The following OBI1 variants were observed in gnomAD, a reference collection of about 807,000 sequenced individuals.
The protein encoded by OBI1 is ring finger protein 219.
A neutral mutation model predicts 62.4 loss-of-function variants in OBI1; 59 were observed. The observed-to-expected ratio is 0.95, with a 90% confidence interval of 0.77 to 1.17. The LOEUF (loss-of-function observed/expected upper bound fraction) is 1.17, where lower values mean the gene tolerates loss of function less well. Among genes scored for constraint, OBI1 ranks in the 50% most tolerant of loss-of-function variants. The pLI is 0.00. For missense variants in OBI1, 875 were observed against 830.9 expected, an observed-to-expected ratio of 1.05 and a Z score of -0.65; for synonymous variants, 302 against 292.8, an observed-to-expected ratio of 1.03 and a Z score of -0.32.
intron 4 of OBI1, among the ~76,000 whole-genome samples, chr13:78,635,773 T>C (rs1029415621): frequency 3.3e-5 from 5 of 152,214 alleles, no homozygotes; most frequent in Non-Finnish European, 7.3e-5. Context: ...TCTATTTATC[T>C]ATATTTTTTG....
At chr13:78,617,507 GA>G (rs1329876005) in intron 5 of OBI1, among the ~76,000 whole-genome samples, 4 of 152,178 alleles carry the variant, frequency 2.6e-5, no homozygotes, top group Admixed American at 1.3e-4. Context: ...TCTACATCTT[GA>G]AATATTTACA....
intron 5 of OBI1, among the ~76,000 whole-genome samples, chr13:78,623,156 A>C (rs1875561313): frequency 1.3e-5 from 2 of 152,122 alleles, no homozygotes; most frequent in Non-Finnish European, 2.9e-5. Context: ...TCAGTTACAA[A>C]ATTGCTACAT....
chr13:78,634,818 G>A (rs1204617190), intron 5 of OBI1, among the ~76,000 whole-genome samples: 1 of 152,116 alleles, frequency 6.6e-6, no homozygotes, highest in Admixed American at 6.6e-5. Flanking sequence ...TACTATGTTA[G>A]TACTATTAAA....
rs1362319842 is a variant in OBI1, at chr13:78,614,384, A to G, written c.*1196T>C. On this transcript the variant is annotated 3_prime_UTR_variant, in exon 6 of 6. Coordinates refer to ENST00000282003, the MANE Select transcript of OBI1 (RefSeq NM_024546.4). Reference sequence around the variant, plus strand: ...TATTAATGTAAAATGTTCAGTGCACATTAAACAGCATACATACCCATTTTT... The same window carrying G: ...TATTAATGTAAAATGTTCAGTGCACGTTAAACAGCATACATACCCATTTTT... 6.6e-6 allele frequency: 1 copy of G among 152,648 alleles called. No homozygotes were observed. The highest frequency in any genetic ancestry group is 2.4e-5 in the African/African-American group (1 of 41,458). The allele number at this position is 152,648 out of a possible 1,614,324, so 9.5% of individuals were successfully genotyped here.
chr13:78,639,522 G>A (rs1876140787), intron 3 of OBI1, among the ~76,000 whole-genome samples: 2 of 150,978 alleles, frequency 1.3e-5, no homozygotes, highest in Non-Finnish European at 2.9e-5. Context: ...AAATCATGCT[G>A]CTATAAAGAC....
intron 1 of OBI1, among the ~76,000 whole-genome samples, chr13:78,650,662 G>C (rs1954458136): frequency 6.6e-6 from 1 of 151,832 alleles, no homozygotes; most frequent in African/African-American, 2.4e-5. Flanking sequence ...TGAAAACTGT[G>C]GCTTAACCTA....
At chr13:78,636,974 G>A (rs768855514) in intron 4 of OBI1, among the ~76,000 whole-genome samples, 6 of 152,156 alleles carry the variant, frequency 3.9e-5, no homozygotes, top group Non-Finnish European at 7.3e-5. Context: ...TCAACTATCA[G>A]AGATCTTTTC....
At chr13:78,628,633 A>T (rs1875754733) in intron 5 of OBI1, among the ~76,000 whole-genome samples, 1 of 152,226 alleles carries the variant, frequency 6.6e-6, no homozygotes, top group Non-Finnish European at 1.5e-5. Context: ...AAGAGTCTGG[A>T]TTTTATTCTA....
chr13:78,652,281 G>T (rs918655073), intron 1 of OBI1, among the ~76,000 whole-genome samples: 1 of 151,960 alleles, frequency 6.6e-6, no homozygotes, highest in Non-Finnish European at 1.5e-5. Flanking sequence ...TTATATATTT[G>T]ACTGTAATCT....
At position 78,648,337 on chromosome 13, in the gene OBI1, C is replaced by A. The variant is rs1876449677; in HGVS notation, c.73-3340G>T. Among the ~76,000 whole-genome samples the A allele has an allele frequency of 2.0e-5, 3 of 151,170 alleles. No homozygotes were observed. The South Asian group carries it at 6.3e-4, about 32-fold the overall frequency. On this transcript the variant is annotated intron_variant, in intron 1 of 5. Transcript: ENST00000282003. ...AGACACACACACCCCTGCAATATTC[C>A]TAGAAGTACTATATGCCCCAAAATT...
chr13:78,618,116 A>T (rs1056158633), intron 5 of OBI1, among the ~76,000 whole-genome samples: 1 of 152,184 alleles, frequency 6.6e-6, no homozygotes, highest in Non-Finnish European at 1.5e-5. Flanking sequence ...ATCACCAAAA[A>T]TAAATTCTAT....
intron 1 of OBI1, among the ~76,000 whole-genome samples, chr13:78,646,505 C>G (rs914434798): frequency 2.6e-5 from 4 of 151,960 alleles, no homozygotes; most frequent in Non-Finnish European, 5.9e-5. Flanking sequence ...AGTCTTATCA[C>G]TTGATTTACA....
chr13:78,638,745 G>C lies in OBI1; in HGVS notation c.549+78C>G, dbSNP rs534416059. The C allele has an allele frequency of 2.3e-6, 3 of 1,292,850 alleles. No individual in the cohort carries two copies. The South Asian group carries it at 4.3e-5, about 18-fold the overall frequency. The allele number at this position is 1,292,850 out of a possible 1,614,324, so 80.1% of individuals were successfully genotyped here. On this transcript the variant is annotated intron_variant, in intron 4 of 5. Coordinates refer to ENST00000282003, the MANE Select transcript of OBI1 (RefSeq NM_024546.4). ...CACAAATCATCTGATGATGAGTCAA[G>C]ATAATATGGCTATTTATGCTTTTGA...
intron 3 of OBI1, among the ~76,000 whole-genome samples, chr13:78,639,596 T>C (rs1876144363): frequency 6.8e-6 from 1 of 147,412 alleles, no homozygotes; most frequent in African/African-American, 2.5e-5. Flanking sequence ...CCAACCCAAA[T>C]GTCCAACAAT....
chr13:78,636,948 T>A (rs1239059598), intron 4 of OBI1, among the ~76,000 whole-genome samples: 1 of 152,230 alleles, frequency 6.6e-6, no homozygotes, highest in East Asian at 1.9e-4. Context: ...CTTCTCATTA[T>A]AGGCTGGCTA....
intron 5 of OBI1, among the ~76,000 whole-genome samples, chr13:78,623,270 T>A (rs1395580512): frequency 1.0e-4 from 14 of 136,188 alleles, no homozygotes; most frequent in African/African-American, 2.1e-4. Flanking sequence ...AGAGAACATT[T>A]AAAAAAAAAA....
rs540840233 is a variant in OBI1, at chr13:78,631,733, GATGA to G, written c.638+3373_638+3376del. On this transcript the variant is annotated intron_variant, in intron 5 of 5. Coordinates refer to ENST00000282003, the MANE Select transcript of OBI1 (RefSeq NM_024546.4). The stretch of plus-strand genomic sequence containing the variant: ...CAAATGAATTTTTGGCAAGGAACAG[GATGA>G]ATATTATTGAAACCTAGAAGAACAT... 1.6e-3 allele frequency among the ~76,000 whole-genome samples: 241 copies of G among 152,212 alleles called. 1 individual carries two copies. The highest frequency in any genetic ancestry group is 5.6e-3 in the African/African-American group (231 of 41,554).
chr13:78,616,245 A>G lies in OBI1; in HGVS notation c.1516T>C (p.Cys506Arg), dbSNP rs776119609. 2 of 1,613,798 alleles carry G rather than the reference A, an allele frequency of 1.2e-6. No homozygotes were observed. Among genetic ancestry groups the G allele is most frequent in the African/African-American group, 1.3e-5 (1 of 74,936 alleles). Reference sequence around the variant, plus strand: ...ATAGAATTCAACCTTTTGGATAAACATAAGCCTGATTTCTCACTCAATTTT... The same window carrying G: ...ATAGAATTCAACCTTTTGGATAAACGTAAGCCTGATTTCTCACTCAATTTT... ...SSKLSEKSGL[C>R]LSKRLNSIRS... The change falls in exon 6 of 6, where the codon TGT (cysteine) becomes CGT (arginine). Residue 506 changes from cysteine (C) to arginine (R), a missense_variant. Transcript: ENST00000282003.
intron 1 of OBI1, among the ~76,000 whole-genome samples, chr13:78,653,679 A>C (rs1876612468): frequency 6.6e-6 from 1 of 152,202 alleles, no homozygotes; most frequent in South Asian, 2.1e-4. Context: ...ATGGGAGTGA[A>C]GACGGTATTG....
Sources: gnomAD v4.1 joint callset for allele counts (sites outside exome capture counted in the v4.1 genomes callset) on GRCh38, gnomAD v4.1.1 for gene constraint, MANE v1.5 for transcripts, NCBI Gene and HGNC (gene_info 2026-07-23, HGNC 2026-07-21) for gene names.